Variants in DPF3 observed in about 807,000 individuals in gnomAD.
DPF3 encodes the protein zinc finger protein DPF3.
DPF3 carries 18 observed loss-of-function variants against 56.8 expected under a neutral mutation model. The ratio of observed to expected loss-of-function variants is 0.32; its 90% CI spans 0.22 to 0.47. DPF3 has a LOEUF of 0.47. Among genes scored for constraint, DPF3 ranks in the 20% least tolerant of loss-of-function variants. The probability of loss-of-function intolerance (pLI) is 1.00; values close to 1 mark genes in which losing one functional copy is unlikely to be tolerated. For synonymous variants in DPF3, 188 were observed against 180.2 expected (o/e 1.04, Z -0.35); for missense variants, 403 against 488.8 (o/e 0.82, Z 1.65).
At chr14:72,805,013 C>T (rs989441950) in intron 1 of DPF3, among the ~76,000 whole-genome samples, 3 of 132,496 alleles carry the variant, frequency 2.3e-5, no homozygotes, top group African/African-American at 8.3e-5. Context: ...GGAGCTTCAG[C>T]TTCCTACTGT....
intron 2 of DPF3, among the ~76,000 whole-genome samples, chr14:72,756,897 G>GAAAAGAAA (rs1176049608): frequency 2.2e-5 from 1 of 45,298 alleles, no homozygotes; most frequent in Non-Finnish European, 3.8e-5. Flanking sequence ...AAGAAAGAAA[G>GAAAAGAAA]AAAAGAAAAA....
In DPF3 at chr14:72,615,789, C is replaced by T. The variant is rs1321757203; in HGVS notation, c.*3508G>A. On this transcript the variant is annotated 3_prime_UTR_variant, in exon 11 of 11. Transcript: ENST00000556509. ...AAAGGAAAGCCAGAATGTCAATCTCCTAGCAGGAGCCCTGTTTCTATTTCC... is the reference window on the plus strand; with the variant it reads ...AAAGGAAAGCCAGAATGTCAATCTCTTAGCAGGAGCCCTGTTTCTATTTCC... Among the ~76,000 whole-genome samples, 1 of 152,262 alleles carries T rather than the reference C, an allele frequency of 6.6e-6. No individual in the cohort carries two copies. Among genetic ancestry groups the T allele is most frequent in the East Asian group, 1.9e-4 (1 of 5,202 alleles).
intron 1 of DPF3, among the ~76,000 whole-genome samples, chr14:72,832,936 G>A (rs1337994421): frequency 1.3e-5 from 2 of 152,148 alleles, no homozygotes; most frequent in Non-Finnish European, 2.9e-5. Context: ...GCTGAAGTAA[G>A]GTCTGAGGAA....
At position 72,658,963 on chromosome 14, in the gene DPF3, T is replaced by C. The variant is rs578230254; in HGVS notation, c.871+15277A>G. Among the ~76,000 whole-genome samples, 7 of 152,058 alleles carry C rather than the reference T, an allele frequency of 4.6e-5. No homozygotes were observed. In the East Asian group the frequency reaches 9.7e-4, roughly 21 times the overall value. ...TTCATTTATCACCAACACTGAAAAATGGGGAGATCTCATCAAAATGTTTGA... is the reference window on the plus strand; with the variant it reads ...TTCATTTATCACCAACACTGAAAAACGGGGAGATCTCATCAAAATGTTTGA... On this transcript the variant is annotated intron_variant, in intron 8 of 10. Transcript: ENST00000556509.
intron 1 of DPF3, among the ~76,000 whole-genome samples, chr14:72,871,489 C>G (rs10145776): frequency 0.98 from 148,930 of 152,350 alleles, 72,831 homozygotes; most frequent in East Asian, 1. Context: ...GGGTTTACAG[C>G]GCCCAGGTAG....
intron 7 of DPF3, among the ~76,000 whole-genome samples, chr14:72,692,029 T>C (rs1044137564): frequency 1.3e-5 from 2 of 152,178 alleles, no homozygotes; most frequent in Admixed American, 6.5e-5. Context: ...CCCACACTAA[T>C]CTGAAGAATG....
At chr14:72,808,546 C>T (rs1882892578) in intron 1 of DPF3, among the ~76,000 whole-genome samples, 1 of 152,120 alleles carries the variant, frequency 6.6e-6, no homozygotes, top group South Asian at 2.1e-4. Context: ...CTTTGCATTC[C>T]AAGGACAGGA....
At chr14:72,691,748 G>A (rs1449670814) in intron 7 of DPF3, among the ~76,000 whole-genome samples, 2 of 151,908 alleles carry the variant, frequency 1.3e-5, no homozygotes, top group African/African-American at 4.8e-5. Flanking sequence ...AAGAAGAAGA[G>A]GAAATGTGGA....
intron 2 of DPF3, among the ~76,000 whole-genome samples, chr14:72,756,910 G>GAAAGAAAGAAAGAAAGAAAAGAAAA (rs1555504022): frequency 1.5e-5 from 2 of 132,662 alleles, no homozygotes; most frequent in Admixed American, 7.5e-5. Flanking sequence ...AAGAAAAAAA[G>GAAAGAAAGAAAGAAAGAAAAGAAAA]AAAGAAAGAA....
At chr14:72,744,698 C>A (rs1355291590) in intron 3 of DPF3, among the ~76,000 whole-genome samples, 2 of 152,034 alleles carry the variant, frequency 1.3e-5, no homozygotes, top group Admixed American at 6.6e-5. Flanking sequence ...AAACTCTGAC[C>A]CTCGTTACCC....
intron 5 of DPF3, among the ~76,000 whole-genome samples, chr14:72,721,565 C>G (rs1889175124): frequency 6.6e-6 from 1 of 152,264 alleles, no homozygotes; most frequent in South Asian, 2.1e-4. Flanking sequence ...TAAGTAAAAA[C>G]TTGATGAGGA....
At chr14:72,642,993 G>A (rs1188826964) in intron 8 of DPF3, among the ~76,000 whole-genome samples, 2 of 152,220 alleles carry the variant, frequency 1.3e-5, no homozygotes, top group African/African-American at 4.8e-5. Context: ...GAGGTGGGCA[G>A]AACAGATAGG....
At chr14:72,836,587 A>T (rs1488278932) in intron 1 of DPF3, 1 of 942,174 alleles carries the variant, frequency 1.1e-6, no homozygotes, top group Non-Finnish European at 1.3e-6. Context: ...GTCTATCTGG[A>T]TGAATTTTTC....
intron 1 of DPF3, among the ~76,000 whole-genome samples, chr14:72,818,195 C>A (rs561685604): frequency 1.3e-5 from 2 of 151,326 alleles, no homozygotes; most frequent in Non-Finnish European, 2.9e-5. Flanking sequence ...GAGCAGTGAT[C>A]GAGCCACTGC....
At chr14:72,632,905 C>T (rs986980044) in intron 8 of DPF3, among the ~76,000 whole-genome samples, 2 of 148,404 alleles carry the variant, frequency 1.3e-5, no homozygotes, top group Admixed American at 6.8e-5. Flanking sequence ...AGGGGCTGTA[C>T]GCTAAGGAAA....
At position 72,822,326 on chromosome 14, in the gene DPF3, G is replaced by A. The variant is rs185061209; in HGVS notation, c.33-50433C>T. Among the ~76,000 whole-genome samples, 23 of 152,250 alleles carry A rather than the reference G, an allele frequency of 1.5e-4. No individual in the cohort carries two copies. The East Asian group carries it at 4.3e-3, about 28-fold the overall frequency. ...AACCTGGAAGCCAGTGGAGGTTGTGGTGAGCCAAGATTGCTCCACTGCATT... is the reference window on the plus strand; with the variant it reads ...AACCTGGAAGCCAGTGGAGGTTGTGATGAGCCAAGATTGCTCCACTGCATT... On this transcript the variant is annotated intron_variant, in intron 1 of 10. Transcript: ENST00000556509.
At chr14:72,822,339 G>A (rs939720081) in intron 1 of DPF3, among the ~76,000 whole-genome samples, 4 of 152,026 alleles carry the variant, frequency 2.6e-5, no homozygotes, top group African/African-American at 9.7e-5. Context: ...AGCCAAGATT[G>A]CTCCACTGCA....
intron 2 of DPF3, among the ~76,000 whole-genome samples, chr14:72,765,863 G>A (rs1234244193): frequency 6.6e-6 from 1 of 152,138 alleles, no homozygotes; most frequent in Non-Finnish European, 1.5e-5. Context: ...GCAGTGAGCA[G>A]AGATTGCGCC....
At chr14:72,753,202 G>A in intron 3 of DPF3, 62 bp downstream of exon 3, 1 of 1,517,658 alleles carries the variant, frequency 6.6e-7, no homozygotes, top group Non-Finnish European at 9.0e-7. Flanking sequence ...CTTGTCCTGG[G>A]CCCAGCCCAG....
Sources: allele counts gnomAD v4.1 joint callset (sites outside exome capture counted in the v4.1 genomes callset), GRCh38; gene constraint gnomAD v4.1.1; transcripts MANE v1.5; gene names NCBI Gene and HGNC (gene_info 2026-07-23, HGNC 2026-07-21).